CTPS2: variants seen among roughly 807,000 people sequenced by gnomAD.
The protein encoded by CTPS2 is CTP synthase 2.
A neutral mutation model predicts 46.8 loss-of-function variants in CTPS2; 19 were observed. That is an observed-to-expected ratio of 0.41 (90% CI 0.28 to 0.60). CTPS2 has a LOEUF of 0.60. CTPS2 is among the 20% of genes least tolerant of loss of function. CTPS2 has a pLI of 0.35. For synonymous variants in CTPS2, 151 were observed against 165.2 expected (o/e 0.91, Z 0.66); for missense variants, 286 against 447.6 (o/e 0.64, Z 3.26).
At chrX:16,608,819 G>A (rs1360583915) in intron 17 of CTPS2, among the ~76,000 whole-genome samples, 1 of 111,248 alleles carries the variant, frequency 9.0e-6, no homozygotes, top group Non-Finnish European at 1.9e-5. Context: ...ATTTGGCAGG[G>A]AAGTAGGGAG....
At chrX:16,632,921 AG>A (rs1341616404) in intron 14 of CTPS2, among the ~76,000 whole-genome samples, 1 of 111,178 alleles carries the variant, frequency 9.0e-6, no homozygotes, top group African/African-American at 3.3e-5. Flanking sequence ...GGCTTCTGAA[AG>A]CCCCCTTAGT....
chrX:16,671,387 G>C (rs780825056), intron 10 of CTPS2, among the ~76,000 whole-genome samples: 5 of 110,310 alleles, frequency 4.5e-5, no homozygotes, highest in Non-Finnish European at 9.5e-5. Context: ...ATTCTTTCTT[G>C]AGCAAGATCC....
At chrX:16,689,800 C>A (rs146802212) in intron 7 of CTPS2, among the ~76,000 whole-genome samples, 199 bp from the exon 8 acceptor site, 209 of 111,738 alleles carry the variant, frequency 1.9e-3, no homozygotes, top group African/African-American at 6.5e-3. Flanking sequence ...AAAACTAATC[C>A]CAGCACTATG....
chrX:16,665,966 A>G (rs769194813), intron 13 of CTPS2, among the ~76,000 whole-genome samples: 3 of 111,936 alleles, frequency 2.7e-5, no homozygotes, highest in East Asian at 5.6e-4. Context: ...TGGCCAGTCT[A>G]GTCTCGAACT....
At chrX:16,613,178 T>A (rs1361855598) in intron 16 of CTPS2, among the ~76,000 whole-genome samples, 1 of 112,102 alleles carries the variant, frequency 8.9e-6, no homozygotes, top group Non-Finnish European at 1.9e-5. Context: ...GCACAGGCAA[T>A]CCAATTTATC....
intron 13 of CTPS2, among the ~76,000 whole-genome samples, chrX:16,656,989 T>TCCTC (rs767117897): frequency 1.5e-4 from 17 of 110,803 alleles, no homozygotes; most frequent in Non-Finnish European, 2.5e-4. Context: ...GCTCAAGTGA[T>TCCTC]CCTCCCACCT....
intron 8 of CTPS2, among the ~76,000 whole-genome samples, chrX:16,688,125 C>T (rs921132333): frequency 1.3e-4 from 14 of 111,445 alleles, no homozygotes; most frequent in Non-Finnish European, 1.3e-4. Context: ...GGGCCGGGCG[C>T]GGTGGCTCAC....
chrX:16,634,701 C>A (rs147992099), intron 14 of CTPS2, among the ~76,000 whole-genome samples: 2,032 of 112,154 alleles, frequency 0.018, 48 homozygotes, highest in African/African-American at 0.062. Context: ...ATAATCCCAG[C>A]ACCTTGGGAG....
At chrX:16,653,541 T>C (rs1295168387) in intron 13 of CTPS2, among the ~76,000 whole-genome samples, 1 of 111,411 alleles carries the variant, frequency 9.0e-6, no homozygotes, top group African/African-American at 3.3e-5. Flanking sequence ...GCCCAGGAGG[T>C]GGAAGCTGCA....
chrX:16,597,200 A>G (rs1388947209), intron 17 of CTPS2, among the ~76,000 whole-genome samples: 4 of 111,823 alleles, frequency 3.6e-5, no homozygotes, highest in African/African-American at 9.8e-5. Context: ...TAGTTTAATT[A>G]GATCCCATTT....
At chrX:16,631,619 G>A (rs934644045) in intron 14 of CTPS2, among the ~76,000 whole-genome samples, 1 of 112,292 alleles carries the variant, frequency 8.9e-6, no homozygotes, top group Non-Finnish European at 1.9e-5. Flanking sequence ...GAAATGGTCT[G>A]AAAAACATGT....
chrX:16,680,646 GTA>G (rs956964746), intron 9 of CTPS2, among the ~76,000 whole-genome samples: 5 of 110,926 alleles, frequency 4.5e-5, no homozygotes, highest in African/African-American at 1.6e-4. Context: ...TTTATAAAAT[GTA>G]TATGTCATGG....
intron 10 of CTPS2, among the ~76,000 whole-genome samples, chrX:16,675,081 C>T (rs978439985): frequency 9.1e-6 from 1 of 109,464 alleles, no homozygotes; most frequent in African/African-American, 3.3e-5. Flanking sequence ...GCCTGGCCAA[C>T]ATGGTGAAAC....
chrX:16,690,108 C>T (rs375820508), intron 7 of CTPS2, among the ~76,000 whole-genome samples: 1 of 108,110 alleles, frequency 9.2e-6, no homozygotes, highest in Non-Finnish European at 1.9e-5. Context: ...TGGTGGCTCA[C>T]GCCTGTAATT....
intron 4 of CTPS2, among the ~76,000 whole-genome samples, chrX:16,697,376 G>A (rs1037171423): frequency 1.8e-5 from 2 of 108,703 alleles, no homozygotes; most frequent in Non-Finnish European, 3.8e-5. Context: ...CATTCTGCAC[G>A]TGGAGAGGAA....
At chrX:16,626,024 C>A (rs1931122562) in intron 14 of CTPS2, among the ~76,000 whole-genome samples, 1 of 111,258 alleles carries the variant, frequency 9.0e-6, no homozygotes, top group Non-Finnish European at 1.9e-5. Context: ...AGAGAATCGC[C>A]CTCTTCTGCC....
At chrX:16,695,881 C>T (rs1017527273) in intron 4 of CTPS2, among the ~76,000 whole-genome samples, 1 of 110,189 alleles carries the variant, frequency 9.1e-6, no homozygotes, top group African/African-American at 3.3e-5. Context: ...GACAGAGTCT[C>T]GCTCTGCCAC....
chrX:16,650,935 C>T, intron 13 of CTPS2: 1 of 1,000,477 alleles, frequency 1.0e-6, no homozygotes, highest in Non-Finnish European at 1.4e-6. Flanking sequence ...ATCCTGCAGA[C>T]AACCCTCAGC....
At chrX:16,707,316 T>C (rs1245020720) in intron 1 of CTPS2, among the ~76,000 whole-genome samples, 2 of 111,580 alleles carry the variant, frequency 1.8e-5, no homozygotes, top group Admixed American at 1.9e-4. Flanking sequence ...ATTATTTGTG[T>C]ACTCATGGCA....
Sources: allele counts gnomAD v4.1 joint callset (sites outside exome capture counted in the v4.1 genomes callset), GRCh38; gene constraint gnomAD v4.1.1; transcripts MANE v1.5; gene names NCBI Gene and HGNC (gene_info 2026-07-23, HGNC 2026-07-21).